The following SEMA3D variants were observed in gnomAD, a reference collection of about 807,000 sequenced individuals.
SEMA3D encodes the protein semaphorin 3D.
A neutral mutation model predicts 100.1 loss-of-function variants in SEMA3D; 84 were observed. The ratio of observed to expected loss-of-function variants is 0.84; its 90% CI spans 0.70 to 1.01. The LOEUF (loss-of-function observed/expected upper bound fraction) is 1.01, where lower values mean the gene tolerates loss of function less well. Ranked by LOEUF, SEMA3D falls within the 50% of genes least tolerant of loss-of-function variation. SEMA3D has a pLI of 0.00. For synonymous variants in SEMA3D, 312 were observed against 320.7 expected (o/e 0.97, Z 0.29); for missense variants, 875 against 934.1 (o/e 0.94, Z 0.82).
At chr7:85,161,738 T>G (rs1790750739) in intron 1 of SEMA3D, among the ~76,000 whole-genome samples, 2 of 152,116 alleles carry the variant, frequency 1.3e-5, no homozygotes, top group African/African-American at 4.8e-5. Flanking sequence ...GTAATACCCA[T>G]TATAGGAAGA....
chr7:85,244,874 C>T, the SEMA3D span, among the ~76,000 whole-genome samples: 1 of 151,962 alleles, frequency 6.6e-6, no homozygotes, highest in East Asian at 1.9e-4. Context: ...CCACTCCCGG[C>T]TAATTTTTTT....
At chr7:85,190,288 T>A (rs1250139723), upstream of SEMA3D, among the ~76,000 whole-genome samples, 1 of 152,208 alleles carries the variant, frequency 6.6e-6, no homozygotes, top group East Asian at 1.9e-4. Context: ...GTCATTTTAA[T>A]GTTTACTTCT....
intron 3 of SEMA3D, among the ~76,000 whole-genome samples, chr7:85,103,668 A>G (rs1314569743): frequency 4.6e-5 from 7 of 151,918 alleles, no homozygotes; most frequent in Non-Finnish European, 7.4e-5. Context: ...GCATTCTCCT[A>G]TTACCTTGTT....
chr7:85,039,522 G>T (rs1054970136), intron 11 of SEMA3D, among the ~76,000 whole-genome samples: 1 of 152,182 alleles, frequency 6.6e-6, no homozygotes, highest in Non-Finnish European at 1.5e-5. Flanking sequence ...GTCTCCCAAA[G>T]TACTGGGATT....
intron 4 of SEMA3D, among the ~76,000 whole-genome samples, chr7:85,087,244 C>A (rs939962794): frequency 6.6e-6 from 1 of 152,184 alleles, no homozygotes; most frequent in Non-Finnish European, 1.5e-5. Flanking sequence ...GATGCCATTG[C>A]CTAATGGCCA....
chr7:84,999,346 T>C lies in SEMA3D; in HGVS notation c.*94A>G. ...TGTCTTGTGCCTTAGCAAAACTCCA[T>C]GGGAAGCATTTATGAATTACTATAA... is the stretch of plus-strand genomic sequence containing the variant. On this transcript the variant is annotated 3_prime_UTR_variant, in exon 19 of 19. Transcript: ENST00000284136. 1.0e-6 allele frequency: 1 copy of C among 986,744 alleles called. No individual in the cohort carries two copies. Among genetic ancestry groups the C allele is most frequent in the East Asian group, 2.5e-5 (1 of 40,414 alleles). The allele number at this position is 986,744 out of a possible 1,614,324, so 61.1% of individuals were successfully genotyped here. A position where few individuals can be genotyped will look rare whatever the true frequency, so the allele number is the denominator to read the frequency against.
intron 12 of SEMA3D, among the ~76,000 whole-genome samples, chr7:85,025,655 G>C (rs186548085): frequency 2.6e-5 from 4 of 151,992 alleles, no homozygotes; most frequent in Non-Finnish European, 5.9e-5. Flanking sequence ...TAATGTGAGG[G>C]AAGACATGGC....
chr7:85,045,944 A>G (rs1790996994), intron 9 of SEMA3D, among the ~76,000 whole-genome samples: 1 of 151,872 alleles, frequency 6.6e-6, no homozygotes, highest in East Asian at 1.9e-4. Flanking sequence ...TTATATATTG[A>G]TAGTATTTAT....
intron 17 of SEMA3D, among the ~76,000 whole-genome samples, chr7:85,009,927 T>C (rs1188460597): frequency 6.6e-6 from 1 of 151,304 alleles, no homozygotes; most frequent in Non-Finnish European, 1.5e-5. Context: ...TCTAGTGACA[T>C]AGACAAAGTA....
At chr7:85,009,289 G>C (rs954487918) in intron 17 of SEMA3D, among the ~76,000 whole-genome samples, 4 of 151,446 alleles carry the variant, frequency 2.6e-5, no homozygotes, top group African/African-American at 4.8e-5. Flanking sequence ...TAATGTTGTT[G>C]AACTATTTTT....
rs919656653 is a variant in SEMA3D at position 85,029,631 on chromosome 7, C to A, written c.1192-7018G>T. The A allele has an allele frequency of 6.9e-6, 3 of 436,362 alleles. No homozygotes were observed. The Admixed American group carries it at 9.7e-5, about 14-fold the overall frequency. 27.0% of individuals were successfully genotyped at this position (436,362 alleles called of 1,614,324 possible). On this transcript the variant is annotated intron_variant, in intron 12 of 18. Transcript: ENST00000284136. ...GCTAGGAGGAATGCCAGGGGGATTT[C>A]CTGGTGGTAGAGCTCCTGCATCTGG...
intron 14 of SEMA3D, among the ~76,000 whole-genome samples, chr7:85,018,696 A>C (rs748745246): frequency 6.6e-6 from 1 of 151,738 alleles, no homozygotes; most frequent in Non-Finnish European, 1.5e-5. Flanking sequence ...GTGGTTCAAA[A>C]AGTTGTTTAA....
At chr7:85,088,908 G>T (rs1385312621) in intron 4 of SEMA3D, among the ~76,000 whole-genome samples, 1 of 152,074 alleles carries the variant, frequency 6.6e-6, no homozygotes, top group Non-Finnish European at 1.5e-5. Flanking sequence ...TCCCGACTCA[G>T]CTCAGAAGCC....
intron 2 of SEMA3D, among the ~76,000 whole-genome samples, chr7:85,143,499 C>T (rs966692304): frequency 2.6e-5 from 4 of 151,970 alleles, no homozygotes; most frequent in African/African-American, 9.7e-5. Context: ...AACACTATAA[C>T]CAATTGTTAC....
intron 1 of SEMA3D, among the ~76,000 whole-genome samples, chr7:85,185,823 G>T (rs1486169748): frequency 6.6e-6 from 1 of 152,174 alleles, no homozygotes; most frequent in African/African-American, 2.4e-5. Context: ...TTAACTCCAG[G>T]CTCGTTGGGC....
At chr7:85,103,082 T>C (rs1449334981) in intron 3 of SEMA3D, among the ~76,000 whole-genome samples, 1 of 152,094 alleles carries the variant, frequency 6.6e-6, no homozygotes, top group Non-Finnish European at 1.5e-5. Context: ...ACACACATTA[T>C]GAAAAGACTT....
intron 3 of SEMA3D, among the ~76,000 whole-genome samples, chr7:85,107,505 T>C (rs983544309): frequency 3.9e-5 from 6 of 152,056 alleles, no homozygotes; most frequent in African/African-American, 1.4e-4. Flanking sequence ...CTCCCATAAA[T>C]TGTTAGTTCT....
rs899704790 is a variant in SEMA3D at position 85,116,310 on chromosome 7, T to G, written c.151+5431A>C. Among the ~76,000 whole-genome samples, 35 of 146,346 alleles carry G rather than the reference T, an allele frequency of 2.4e-4. No individual in the cohort carries two copies. In the East Asian group the frequency reaches 6.5e-3, roughly 27 times the overall value. ...ATATACAATTTATATATGTATATATTTATATATATTTATATAAATGTATAT... is the reference window on the plus strand; with the variant it reads ...ATATACAATTTATATATGTATATATGTATATATATTTATATAAATGTATAT... On this transcript the variant is annotated intron_variant, in intron 3 of 18. Coordinates refer to ENST00000284136, the MANE Select transcript of SEMA3D (RefSeq NM_001384900.1).
At chr7:85,224,345 A>G in the SEMA3D span, among the ~76,000 whole-genome samples, 1 of 152,240 alleles carries the variant, frequency 6.6e-6, no homozygotes, top group Non-Finnish European at 1.5e-5. Flanking sequence ...GCCAACTCCC[A>G]GTGCTGTATT....
Sources: allele counts gnomAD v4.1 joint callset (sites outside exome capture counted in the v4.1 genomes callset), GRCh38; gene constraint gnomAD v4.1.1; transcripts MANE v1.5; gene names NCBI Gene and HGNC (gene_info 2026-07-23, HGNC 2026-07-21).